The following ERC1 variants were observed in gnomAD, a reference collection of about 807,000 sequenced individuals.
The protein encoded by ERC1 is ELKS/RAB6-interacting/CAST family member 1.
A neutral mutation model predicts 132.0 loss-of-function variants in ERC1; 56 were observed. That is an observed-to-expected ratio of 0.42 (90% CI 0.34 to 0.53). The LOEUF (loss-of-function observed/expected upper bound fraction) is 0.53. ERC1 is among the 20% of genes least tolerant of loss of function. The pLI, the probability that ERC1 is intolerant of heterozygous loss-of-function variation, is 0.03. For missense variants in ERC1, 1,202 were observed against 1,349.9 expected (o/e 0.89, Z 1.72); for synonymous variants, 478 against 476.1 (o/e 1.00, Z -0.05).
intron 13 of ERC1, among the ~76,000 whole-genome samples, chr12:1,259,935 A>G (rs1259889288): frequency 6.6e-6 from 1 of 152,108 alleles, no homozygotes; most frequent in Non-Finnish European, 1.5e-5. Context: ...TAATCCATAC[A>G]TCTGCTGTTT....
intron 15 of ERC1, among the ~76,000 whole-genome samples, chr12:1,360,193 TGACA>T (rs2085953605): frequency 6.6e-6 from 1 of 152,240 alleles, no homozygotes; most frequent in South Asian, 2.1e-4. Flanking sequence ...GTTTTACTAT[TGACA>T]GACATTGTTA....
At chr12:1,343,757 T>G (rs1432019507) in intron 15 of ERC1, among the ~76,000 whole-genome samples, 1 of 152,222 alleles carries the variant, frequency 6.6e-6, no homozygotes. Flanking sequence ...TGCAGGACTT[T>G]CCTTTAAAGC....
At chr12:1,428,422 A>G (rs1425202680) in intron 17 of ERC1, among the ~76,000 whole-genome samples, 1 of 152,194 alleles carries the variant, frequency 6.6e-6, no homozygotes, top group African/African-American at 2.4e-5. Flanking sequence ...AGGTTATCCT[A>G]TAATTGGGTT....
intron 18 of ERC1, among the ~76,000 whole-genome samples, chr12:1,482,285 G>A (rs1240960993): frequency 6.6e-6 from 1 of 151,898 alleles, no homozygotes; most frequent in African/African-American, 2.4e-5. Context: ...ACCATTTTCT[G>A]TCCCCTGCTG....
At chr12:1,308,447 A>G (rs554353267) in intron 15 of ERC1, among the ~76,000 whole-genome samples, 8 of 152,298 alleles carry the variant, frequency 5.3e-5, no homozygotes, top group East Asian at 1.9e-4. Flanking sequence ...TTCAAACTTG[A>G]TGGTAGACAT....
At chr12:1,400,916 A>ATTATTATTTTTT (rs2090981093) in intron 16 of ERC1, among the ~76,000 whole-genome samples, 2 of 15,040 alleles carry the variant, frequency 1.3e-4, no homozygotes, top group African/African-American at 3.1e-4. Flanking sequence ...CTATTTTTGT[A>ATTATTATTTTTT]TTTTTTTTTT....
intron 14 of ERC1, among the ~76,000 whole-genome samples, chr12:1,280,472 C>T (rs747087103): frequency 1.3e-5 from 2 of 152,162 alleles, no homozygotes; most frequent in African/African-American, 2.4e-5. Flanking sequence ...TAAAGTGCTT[C>T]GGATTAGAAG....
intron 16 of ERC1, among the ~76,000 whole-genome samples, chr12:1,405,973 CAT>C (rs1345094626): frequency 3.9e-5 from 6 of 151,974 alleles, no homozygotes; most frequent in African/African-American, 1.5e-4. Flanking sequence ...TACACGTATA[CAT>C]ATATGTGTAA....
At chr12:1,333,893 C>G (rs1183973047) in intron 15 of ERC1, among the ~76,000 whole-genome samples, 1 of 152,136 alleles carries the variant, frequency 6.6e-6, no homozygotes, top group Non-Finnish European at 1.5e-5. Flanking sequence ...GTTCAGGTTC[C>G]TTTTCCCACA....
intron 17 of ERC1, among the ~76,000 whole-genome samples, chr12:1,440,942 G>T (rs542476896): frequency 1.3e-5 from 2 of 151,896 alleles, no homozygotes; most frequent in Non-Finnish European, 2.9e-5. Context: ...CACCACACCT[G>T]ACCTCAGCCT....
At chr12:1,421,522 C>G (rs773690281) in intron 17 of ERC1, among the ~76,000 whole-genome samples, 4 of 152,028 alleles carry the variant, frequency 2.6e-5, no homozygotes, top group Non-Finnish European at 4.4e-5. Context: ...GTCACAAGAC[C>G]GGTTGAGTCA....
intron 18 of ERC1, 83 bp from the exon 19 acceptor site, chr12:1,490,010 G>C: frequency 6.8e-7 from 1 of 1,471,250 alleles, no homozygotes; most frequent in Middle Eastern, 1.8e-4. Context: ...GAGTGCCTTT[G>C]TCATTTATTG....
chr12:1,371,889 A>G lies in ERC1; in HGVS notation c.2837A>G (p.Glu946Gly). ...SEKDANIALL[E>G]LSSSKKKTQE... ...AAAGACGCCAATATAGCTCTCTTGGAGCTTTCGTCCTCTAAGAAGAAGACC... is the reference window on the plus strand; with the variant it reads ...AAAGACGCCAATATAGCTCTCTTGGGGCTTTCGTCCTCTAAGAAGAAGACC... Residue 946 changes from glutamate to glycine, a missense_variant, in exon 16 of 19, where the codon GAG (glutamate) becomes GGG (glycine). Glu to Gly is a moderately conservative substitution (Grantham distance 98, BLOSUM62 -2). Coordinates refer to ENST00000360905, the MANE Select transcript of ERC1 (RefSeq NM_178040.4). The G allele has an allele frequency of 6.2e-7, 1 of 1,614,092 alleles. No homozygotes were observed. The highest frequency in any genetic ancestry group is 8.5e-7 in the Non-Finnish European group (1 of 1,180,016).
In ERC1 at chr12:1,340,845, C is replaced by T. The variant is rs1385798679; in HGVS notation, c.2781-30988C>T. ...CAATTCCTGGGCTCAAGCAGTCCTCCTCCCTTGGCCTCCCAAAGTGCTGAG... is the reference window on the plus strand; with the variant it reads ...CAATTCCTGGGCTCAAGCAGTCCTCTTCCCTTGGCCTCCCAAAGTGCTGAG... On this transcript the variant is annotated intron_variant, in intron 15 of 18. Coordinates refer to ENST00000360905, the MANE Select transcript of ERC1 (RefSeq NM_178040.4). 2.6e-5 allele frequency among the ~76,000 whole-genome samples: 4 copies of T among 152,044 alleles called. No homozygotes were observed. In the East Asian group the frequency reaches 7.7e-4, roughly 29 times the overall value.
chr12:1,008,372 T>G (rs1008146417), intron 1 of ERC1, among the ~76,000 whole-genome samples: 4 of 152,232 alleles, frequency 2.6e-5, no homozygotes, highest in Non-Finnish European at 5.9e-5. Flanking sequence ...TATAACTTAT[T>G]TAACACAGTA....
chr12:1,309,499 G>T (rs941505719), intron 15 of ERC1, among the ~76,000 whole-genome samples: 14 of 152,100 alleles, frequency 9.2e-5, no homozygotes, highest in African/African-American at 3.4e-4. Context: ...CATATACTAG[G>T]TTGTTATCAG....
chr12:1,050,876 G>A (rs893383291), intron 2 of ERC1, among the ~76,000 whole-genome samples: 2 of 151,996 alleles, frequency 1.3e-5, no homozygotes, highest in East Asian at 1.9e-4. Context: ...GTGGTGGCGC[G>A]TTCCTGTAGT....
intron 12 of ERC1, among the ~76,000 whole-genome samples, chr12:1,232,731 T>G (rs921797543): frequency 6.6e-6 from 1 of 152,162 alleles, no homozygotes; most frequent in African/African-American, 2.4e-5. Context: ...TTTCCTGATT[T>G]TTGTTTCTGG....
chr12:1,436,480 C>T (rs887312936), intron 17 of ERC1, among the ~76,000 whole-genome samples: 11 of 152,044 alleles, frequency 7.2e-5, no homozygotes, highest in African/African-American at 2.7e-4. Context: ...TGGGTAACTC[C>T]GCTTGCCTTT....
Sources: allele counts gnomAD v4.1 joint callset (sites outside exome capture counted in the v4.1 genomes callset), GRCh38; gene constraint gnomAD v4.1.1; transcripts MANE v1.5; gene names NCBI Gene and HGNC (gene_info 2026-07-23, HGNC 2026-07-21).